PARD3: variants seen among roughly 807,000 people sequenced by gnomAD.
PARD3 encodes partitioning defective 3 homolog.
In PARD3, 75 loss-of-function variants were observed where a neutral mutation model predicts 155.4. That is an observed-to-expected ratio of 0.48 (90% CI 0.40 to 0.58). The LOEUF (loss-of-function observed/expected upper bound fraction) is 0.58. PARD3 is among the 20% of genes least tolerant of loss of function. The probability of loss-of-function intolerance (pLI) is 0.00; values close to 1 mark genes in which losing one functional copy is unlikely to be tolerated. For missense variants in PARD3, 1,642 were observed against 1,721.7 expected, an observed-to-expected ratio of 0.95 and a Z score of 0.82; for synonymous variants, 576 against 610.5, an observed-to-expected ratio of 0.94 and a Z score of 0.83.
At chr10:34,771,426 G>C (rs11816941) in intron 1 of PARD3, among the ~76,000 whole-genome samples, 6,166 of 152,304 alleles carry the variant, frequency 0.04, 413 homozygotes, top group African/African-American at 0.14. Flanking sequence ...GGCACATGGG[G>C]AGCAAAGAGT....
At chr10:34,493,176 T>C (rs916242964) in intron 3 of PARD3, among the ~76,000 whole-genome samples, 7 of 152,092 alleles carry the variant, frequency 4.6e-5, no homozygotes, top group Admixed American at 1.3e-4. Flanking sequence ...GATACATACT[T>C]CTCCTCATAT....
At chr10:34,552,205 T>A (rs2084637111) in intron 2 of PARD3, among the ~76,000 whole-genome samples, 1 of 152,190 alleles carries the variant, frequency 6.6e-6, no homozygotes, top group Admixed American at 6.5e-5. Context: ...AACTTAGGGC[T>A]GTAGCAATCC....
chr10:34,659,137 G>A (rs78322113), intron 2 of PARD3, among the ~76,000 whole-genome samples: 5,985 of 152,160 alleles, frequency 0.039, 410 homozygotes, highest in African/African-American at 0.14. Context: ...CACAAAGTGA[G>A]GAACCAGGAA....
At chr10:34,607,301 C>T (rs2090544499) in intron 2 of PARD3, among the ~76,000 whole-genome samples, 1 of 152,152 alleles carries the variant, frequency 6.6e-6, no homozygotes, top group Non-Finnish European at 1.5e-5. Context: ...AGGGTACACA[C>T]AAATATGCTA....
chr10:34,666,816 TACACACACACACAC>T (rs1554804682), intron 2 of PARD3, among the ~76,000 whole-genome samples: 6 of 88,808 alleles, frequency 6.8e-5, no homozygotes, highest in Admixed American at 3.1e-4. Context: ...TATATATATA[TACACACACACACAC>T]ACACACAAAC....
intron 2 of PARD3, among the ~76,000 whole-genome samples, chr10:34,645,003 G>A (rs1246100886): frequency 1.3e-5 from 2 of 151,940 alleles, no homozygotes; most frequent in Admixed American, 1.3e-4. Context: ...ACAGGCGAGT[G>A]CCACCACACC....
chr10:34,487,611 C>T (rs912082619), intron 3 of PARD3, among the ~76,000 whole-genome samples: 1 of 151,082 alleles, frequency 6.6e-6, no homozygotes, highest in African/African-American at 2.5e-5. Context: ...GTGATAAACT[C>T]CCTGGCTAGA....
chr10:34,264,060 C>T (rs772470805), intron 22 of PARD3, among the ~76,000 whole-genome samples: 7 of 152,152 alleles, frequency 4.6e-5, no homozygotes, highest in African/African-American at 9.7e-5. Flanking sequence ...TGCTATGATT[C>T]AACTTAAGAT....
chr10:34,796,175 A>G (rs1306315437), intron 1 of PARD3, among the ~76,000 whole-genome samples: 2 of 152,204 alleles, frequency 1.3e-5, no homozygotes, highest in African/African-American at 4.8e-5. Context: ...CTGAAAAAAC[A>G]AAAACAAAAA....
intron 1 of PARD3, among the ~76,000 whole-genome samples, chr10:34,738,416 A>G (rs1391159463): frequency 2.6e-5 from 4 of 152,174 alleles, no homozygotes; most frequent in Non-Finnish European, 5.9e-5. Context: ...GCCTCAAGGG[A>G]TCTTCTCGTC....
rs546395614 is a variant in PARD3, at chr10:34,462,956, A to AG, written c.582+7128dup. ...GGGAGGGAAGGGGAGAGGGAAGAGA[A>AG]GGGGGGAAGGGAGAAGCAGGGAAGG... On this transcript the variant is annotated intron_variant, in intron 4 of 24. Coordinates refer to ENST00000374788, the MANE Select transcript of PARD3 (RefSeq NM_001184785.2). Among the ~76,000 whole-genome samples, 101 of 71,620 alleles carry AG rather than the reference A, an allele frequency of 1.4e-3. 1 individual carries two copies. In the East Asian group the frequency reaches 0.048, roughly 34 times the overall value. The allele number at this position is 71,620 out of a possible 152,430, so 47.0% of individuals were successfully genotyped here.
chr10:34,268,094 C>T (rs2133846821), intron 22 of PARD3, among the ~76,000 whole-genome samples: 1 of 152,232 alleles, frequency 6.6e-6, no homozygotes, highest in Non-Finnish European at 1.5e-5. Flanking sequence ...TATTTGTGAA[C>T]TAAACTCCTC....
At chr10:34,498,056 A>C (rs914950493) in intron 3 of PARD3, among the ~76,000 whole-genome samples, 1 of 152,166 alleles carries the variant, frequency 6.6e-6, no homozygotes. Flanking sequence ...TTTGATTTCC[A>C]TAAGATATAT....
chr10:34,112,131 A>C (rs1334298381), intron 24 of PARD3, among the ~76,000 whole-genome samples: 1 of 152,196 alleles, frequency 6.6e-6, no homozygotes, highest in East Asian at 1.9e-4. Context: ...CAGTCCCTTA[A>C]AGCTCTGGCT....
chr10:34,269,092 A>C (rs560614245), intron 22 of PARD3, among the ~76,000 whole-genome samples: 2 of 152,330 alleles, frequency 1.3e-5, no homozygotes, highest in African/African-American at 4.8e-5. Context: ...ATCAATTAAA[A>C]AATACAGTTA....
chr10:34,137,354 T>A (rs1235474581), intron 22 of PARD3, among the ~76,000 whole-genome samples: 1 of 152,096 alleles, frequency 6.6e-6, no homozygotes. Flanking sequence ...CTGTCAACAA[T>A]GACGGAAGCA....
chr10:34,558,054 G>C (rs985295736), intron 2 of PARD3, among the ~76,000 whole-genome samples: 2 of 151,946 alleles, frequency 1.3e-5, no homozygotes, highest in Non-Finnish European at 2.9e-5. Flanking sequence ...CACAACTTTG[G>C]TGTTGCTGGC....
At chr10:34,575,618 G>A (rs1272932819) in intron 2 of PARD3, among the ~76,000 whole-genome samples, 6 of 152,086 alleles carry the variant, frequency 3.9e-5, no homozygotes, top group African/African-American at 1.2e-4. Flanking sequence ...GTATTTGGCC[G>A]GGAGCGGTGG....
chr10:34,337,499 C>A lies in PARD3; in HGVS notation c.2409-73G>T, dbSNP rs369998058. 21 of 872,134 alleles carry A rather than the reference C, an allele frequency of 2.4e-5. No homozygotes were observed. The African/African-American group carries it at 3.1e-4, about 13-fold the overall frequency. 54.0% of individuals were successfully genotyped at this position (872,134 alleles called of 1,614,324 possible). A position where few individuals can be genotyped will look rare whatever the true frequency, so the allele number is the denominator to read the frequency against. On this transcript the variant is annotated intron_variant, in intron 16 of 24. Coordinates refer to ENST00000374788, the MANE Select transcript of PARD3 (RefSeq NM_001184785.2). ...CGCATCCATTTTAGGGAGGTTCATA[C>A]ATACCTGCAAGTGTAAATATACATA...
Sources: allele counts gnomAD v4.1 joint callset (sites outside exome capture counted in the v4.1 genomes callset), GRCh38; gene constraint gnomAD v4.1.1; transcripts MANE v1.5; gene names NCBI Gene and HGNC (gene_info 2026-07-23, HGNC 2026-07-21).